DYNC1I1: variants seen among roughly 807,000 people sequenced by gnomAD.
DYNC1I1 encodes the protein dynein cytoplasmic 1 intermediate chain 1, also known as cytoplasmic dynein 1 intermediate chain 1.
A neutral mutation model predicts 86.6 loss-of-function variants in DYNC1I1; 43 were observed. The observed-to-expected ratio is 0.50, with a 90% CI of 0.39 to 0.64. The LOEUF is 0.64. Ranked by LOEUF, DYNC1I1 falls within the 30% of genes least tolerant of loss-of-function variation. The pLI is 0.00. For synonymous variants in DYNC1I1, 262 were observed against 283.7 expected (o/e 0.92, Z 0.77); for missense variants, 604 against 788.8 (o/e 0.77, Z 2.81).
chr7:95,887,837 G>C (rs17167224), intron 6 of DYNC1I1, among the ~76,000 whole-genome samples: 5,962 of 152,208 alleles, frequency 0.039, 263 homozygotes, highest in East Asian at 0.12. Context: ...GTATGGGCTT[G>C]GGTGCATTAT....
At position 95,844,250 on chromosome 7, in the gene DYNC1I1, C is replaced by T. The variant is rs74933349; in HGVS notation, c.374+16134C>T. ...AAGCCTCGTGATTATATTTCCTTTA[C>T]GTATTAGTATATCAAACTCTTGATA... On this transcript the variant is annotated intron_variant, in intron 5 of 16. Transcript: ENST00000447467. Among the ~76,000 whole-genome samples, 1,424 of 152,150 alleles carry T rather than the reference C, an allele frequency of 9.4e-3. 18 individuals are homozygous for T. The highest frequency in any genetic ancestry group is 0.032 in the African/African-American group (1,309 of 41,484).
At chr7:96,080,686 TAAG>T (rs1290417066) in intron 16 of DYNC1I1, among the ~76,000 whole-genome samples, 198 bp downstream of exon 16, 1 of 152,182 alleles carries the variant, frequency 6.6e-6, no homozygotes, top group East Asian at 1.9e-4. Flanking sequence ...ACAGAACACT[TAAG>T]TTAACAATCT....
chr7:96,074,424 A>G (rs531141769), intron 14 of DYNC1I1, among the ~76,000 whole-genome samples: 4 of 152,112 alleles, frequency 2.6e-5, no homozygotes, highest in Non-Finnish European at 4.4e-5. Context: ...GGTGGCGGGC[A>G]CCTGTAGTCC....
chr7:96,075,381 C>A (rs920106161), intron 14 of DYNC1I1, among the ~76,000 whole-genome samples: 5 of 152,102 alleles, frequency 3.3e-5, no homozygotes, highest in African/African-American at 1.2e-4. Flanking sequence ...TACAGAGGTT[C>A]AGGGGCACTT....
intron 15 of DYNC1I1, among the ~76,000 whole-genome samples, chr7:96,078,645 A>G (rs1790418004): frequency 6.6e-6 from 1 of 152,006 alleles, no homozygotes; most frequent in South Asian, 2.1e-4. Context: ...ATTTTCAGTG[A>G]TTTTTTTGTT....
chr7:96,007,347 T>G (rs189967564), intron 10 of DYNC1I1, among the ~76,000 whole-genome samples: 1 of 152,224 alleles, frequency 6.6e-6, no homozygotes, highest in African/African-American at 2.4e-5. Flanking sequence ...GATCCAACAG[T>G]GTTGAATCTT....
intron 12 of DYNC1I1, among the ~76,000 whole-genome samples, chr7:96,033,243 T>C (rs922554510): frequency 1.3e-5 from 2 of 152,244 alleles, no homozygotes. Flanking sequence ...AGAAACCATC[T>C]GTTTTCCCCT....
At chr7:95,865,784 A>C (rs994348105) in intron 5 of DYNC1I1, among the ~76,000 whole-genome samples, 21 of 152,180 alleles carry the variant, frequency 1.4e-4, no homozygotes, top group African/African-American at 5.1e-4. Context: ...TATCCCATCT[A>C]GCCTAGACGT....
chr7:95,907,568 C>G (rs958183521), intron 6 of DYNC1I1, among the ~76,000 whole-genome samples: 1 of 152,090 alleles, frequency 6.6e-6, no homozygotes, highest in African/African-American at 2.4e-5. Context: ...GTGACATTCC[C>G]TCTGCTGTTT....
chr7:96,087,843 G>A (rs779264572), intron 16 of DYNC1I1, among the ~76,000 whole-genome samples: 8 of 152,108 alleles, frequency 5.3e-5, no homozygotes, highest in Non-Finnish European at 1.0e-4. Context: ...GATTTGAGAT[G>A]CTAATAAATA....
intron 1 of DYNC1I1, among the ~76,000 whole-genome samples, chr7:95,784,399 G>A (rs1264426275): frequency 6.6e-6 from 1 of 152,160 alleles, no homozygotes; most frequent in African/African-American, 2.4e-5. Flanking sequence ...CGTAGCAAAG[G>A]ACTGACGAGC....
intron 6 of DYNC1I1, among the ~76,000 whole-genome samples, chr7:95,908,028 CAT>C (rs1480689630): frequency 5.3e-5 from 8 of 151,982 alleles, no homozygotes; most frequent in Non-Finnish European, 1.2e-4. Context: ...CTTTTTATAA[CAT>C]ATTTTAACTA....
intron 6 of DYNC1I1, among the ~76,000 whole-genome samples, chr7:95,927,466 G>A (rs1241469695): frequency 6.6e-6 from 1 of 151,974 alleles, no homozygotes; most frequent in East Asian, 1.9e-4. Context: ...GGCCATTATT[G>A]GATTAACTGA....
At chr7:95,795,729 T>A (rs1955220) in intron 1 of DYNC1I1, among the ~76,000 whole-genome samples, 1 of 151,538 alleles carries the variant, frequency 6.6e-6, no homozygotes, top group African/African-American at 2.4e-5. Flanking sequence ...CACACTGGGC[T>A]CTGTTGAAGG....
Position 95,790,830 on chromosome 7 carries a change from A to G in DYNC1I1, c.-9-13891A>G, listed in dbSNP as rs566339023. Among the ~76,000 whole-genome samples, 9 of 152,342 alleles carry G rather than the reference A, an allele frequency of 5.9e-5. No individual in the cohort carries two copies. The South Asian group carries it at 1.7e-3, about 28-fold the overall frequency. On this transcript the variant is annotated intron_variant, in intron 1 of 16. Transcript: ENST00000447467. ...TTGGGTTTGAATCCTGGATCTTCAC[A>G]TGCCAAAGTTGTTTGCTTTGGTTGT...
chr7:95,911,724 C>A lies in DYNC1I1; in HGVS notation c.490+41726C>A, dbSNP rs542873402. On this transcript the variant is annotated intron_variant, in intron 6 of 16. Transcript: ENST00000447467. ...CTTTTGACCTTCTGGTTCAGCAGGT[C>A]TGAAGTCAGGTCTGTGAGTTGCACG... 2.6e-5 allele frequency among the ~76,000 whole-genome samples: 4 copies of A among 152,280 alleles called. 1 individual carries two copies. Among genetic ancestry groups the A allele is most frequent in the African/African-American group, 7.2e-5 (3 of 41,552 alleles).
At chr7:96,040,055 G>A (rs1340709514) in intron 14 of DYNC1I1, among the ~76,000 whole-genome samples, 1 of 151,912 alleles carries the variant, frequency 6.6e-6, no homozygotes, top group Non-Finnish European at 1.5e-5. Flanking sequence ...CCAACATGGT[G>A]AAGCCCCATT....
intron 5 of DYNC1I1, among the ~76,000 whole-genome samples, chr7:95,829,411 T>C (rs1325753504): frequency 6.6e-6 from 1 of 152,206 alleles, no homozygotes; most frequent in African/African-American, 2.4e-5. Context: ...TCATTTATGT[T>C]ATATTTCAAT....
intron 6 of DYNC1I1, among the ~76,000 whole-genome samples, chr7:95,942,476 T>G (rs181270511): frequency 0.079 from 11,989 of 152,204 alleles, 937 homozygotes; most frequent in African/African-American, 0.21. Context: ...CTTCTGAAAC[T>G]ATTCCAACCA....
Sources: gnomAD v4.1 joint callset for allele counts (sites outside exome capture counted in the v4.1 genomes callset) on GRCh38, gnomAD v4.1.1 for gene constraint, MANE v1.5 for transcripts, NCBI Gene and HGNC (gene_info 2026-07-23, HGNC 2026-07-21) for gene names.